The following FAM204A variants were observed in gnomAD, a reference collection of about 807,000 sequenced individuals.
FAM204A encodes protein FAM204A.
FAM204A carries 16 observed loss-of-function variants against 35.4 expected under a neutral mutation model. The ratio of observed to expected loss-of-function variants is 0.45; its 90% confidence interval spans 0.31 to 0.69. The LOEUF (loss-of-function observed/expected upper bound fraction) is 0.69, where lower values mean the gene tolerates loss of function less well. FAM204A is among the 30% of genes least tolerant of loss of function. FAM204A has a pLI of 0.07. For missense variants in FAM204A, 240 were observed against 265.7 expected, an observed-to-expected ratio of 0.90 and a Z score of 0.67; for synonymous variants, 76 against 86.9, an observed-to-expected ratio of 0.88 and a Z score of 0.70.
At chr10:118,329,723 G>T (rs761045336) in intron 6 of FAM204A, among the ~76,000 whole-genome samples, 1 of 152,058 alleles carries the variant, frequency 6.6e-6, no homozygotes, top group African/African-American at 2.4e-5. Flanking sequence ...GTGTGTCACC[G>T]GCTTGGTGTG....
intron 6 of FAM204A, 87 bp from the exon 7 acceptor site, chr10:118,326,330 G>A (rs1409506335): frequency 9.1e-6 from 10 of 1,096,414 alleles, no homozygotes. Flanking sequence ...TATACTGAAT[G>A]TGTTACACAA....
chr10:118,322,574 A>G (rs1645995765), intron 7 of FAM204A, among the ~76,000 whole-genome samples: 1 of 152,102 alleles, frequency 6.6e-6, no homozygotes, highest in Non-Finnish European at 1.5e-5. Flanking sequence ...CTAAAGAAAC[A>G]TGACGACAAA....
chr10:118,335,076 C>CTA lies in FAM204A; in HGVS notation c.453+36_453+37dup, dbSNP rs750299658. 465 of 1,434,882 alleles carry CTA rather than the reference C, an allele frequency of 3.2e-4. 5 individuals are homozygous for CTA. In the East Asian group the frequency reaches 0.01, roughly 32 times the overall value. The allele number at this position is 1,434,882 out of a possible 1,614,324, so 88.9% of individuals were successfully genotyped here. Reference sequence around the variant, plus strand: ...AGGCGAGGCTAATCACAAACATATCCTACTAGCTGGTATAAGATGCAATAA... The same window carrying CTA: ...AGGCGAGGCTAATCACAAACATATCCTATACTAGCTGGTATAAGATGCAATAA... On this transcript the variant is annotated intron_variant, in intron 6 of 8. Coordinates refer to ENST00000369183, the MANE Select transcript of FAM204A (RefSeq NM_022063.3).
chr10:118,317,668 C>T (rs1345908718), intron 7 of FAM204A, among the ~76,000 whole-genome samples: 1 of 151,980 alleles, frequency 6.6e-6, no homozygotes, highest in African/African-American at 2.4e-5. Context: ...TATCTTTAAA[C>T]TAGATGTAAA....
At chr10:118,335,356 CA>C (rs1213427793) in intron 5 of FAM204A, 39 bp downstream of exon 5, 9 of 1,575,956 alleles carry the variant, frequency 5.7e-6, no homozygotes, top group Non-Finnish European at 7.8e-6. Context: ...ACAATTTCTA[CA>C]ATGGCCTAAA....
intron 6 of FAM204A, among the ~76,000 whole-genome samples, chr10:118,333,960 G>A (rs1402055994): frequency 6.6e-6 from 1 of 152,092 alleles, no homozygotes; most frequent in Non-Finnish European, 1.5e-5. Flanking sequence ...CATGAAAGAG[G>A]CATCTGTCTA....
intron 6 of FAM204A, among the ~76,000 whole-genome samples, chr10:118,330,193 T>C (rs1363663996): frequency 1.3e-5 from 2 of 152,256 alleles, no homozygotes; most frequent in African/African-American, 4.8e-5. Context: ...CACATATTTG[T>C]ATGTGTCAAA....
chr10:118,320,526 C>T (rs1177934897), intron 7 of FAM204A, among the ~76,000 whole-genome samples: 1 of 151,826 alleles, frequency 6.6e-6, no homozygotes, highest in African/African-American at 2.4e-5. Flanking sequence ...CACAAATACA[C>T]TCAAATACTT....
rs191555495 is a variant in FAM204A at position 118,307,234 on chromosome 10, T to C, written c.*3623A>G. ...CCGTCACCATGCTAGAAGGCACTGA[T>C]GTCACAAATACCAGTCTACATTTGG... On this transcript the variant is annotated 3_prime_UTR_variant, in exon 9 of 9. Coordinates refer to ENST00000369183, the MANE Select transcript of FAM204A (RefSeq NM_022063.3). 293 of 152,372 alleles carry C rather than the reference T, an allele frequency of 1.9e-3. No individual in the cohort carries two copies. The highest frequency in any genetic ancestry group is 6.9e-3 in the African/African-American group (285 of 41,588). The allele number at this position is 152,372 out of a possible 1,614,324, so 9.4% of individuals were successfully genotyped here.
Position 118,310,901 on chromosome 10 carries a change from C to T in FAM204A, c.658G>A (p.Ala220Thr). The stretch of plus-strand genomic sequence containing the variant: ...CTTTTGGTTTCCCATCTCTTCTTTG[C>T]TTCAAACCTAAAAGGAAGAACATAC... ...KKKKLAWGFE[A>T]KKRWETKSNM... The change falls in exon 9 of 9, where the codon GCA (alanine) becomes ACA (threonine). Residue 220 changes from alanine to threonine, a missense_variant. This residue lies in a region of FAM204A where 8 missense variants were observed against 22.9 expected (regional missense o/e 0.35). Coordinates refer to ENST00000369183, the MANE Select transcript of FAM204A (RefSeq NM_022063.3). 6.3e-7 allele frequency: 1 copy of T among 1,598,010 alleles called. No individual in the cohort carries two copies. Among genetic ancestry groups the T allele is most frequent in the Non-Finnish European group, 8.5e-7 (1 of 1,174,720 alleles).
intron 6 of FAM204A, among the ~76,000 whole-genome samples, chr10:118,329,031 T>C (rs1846246767): frequency 6.6e-6 from 1 of 152,174 alleles, no homozygotes; most frequent in Admixed American, 6.5e-5. Context: ...ATCTTCACAC[T>C]GAAGGCCTAC....
Position 118,310,711 on chromosome 10 carries a change from GA to G in FAM204A, c.*145del. The stretch of plus-strand genomic sequence containing the variant: ...AGGACAAAGTCCTTAAAGAAAGACT[GA>G]AAAGAGCTGATAATCAAAATCCCAA... On this transcript the variant is annotated 3_prime_UTR_variant, in exon 9 of 9. Transcript: ENST00000369183. The G allele has an allele frequency of 1.5e-6, 1 of 672,654 alleles. No individual in the cohort carries two copies. Among genetic ancestry groups the G allele is most frequent in the Non-Finnish European group, 2.6e-6 (1 of 387,324 alleles). 41.7% of individuals were successfully genotyped at this position (672,654 alleles called of 1,614,324 possible).
chr10:118,335,263 T>A, intron 5 of FAM204A, 50 bp from the exon 6 acceptor site: 1 of 1,564,410 alleles, frequency 6.4e-7, no homozygotes, highest in Non-Finnish European at 8.7e-7. Context: ...CTGTCTTTAC[T>A]TTTACTGTTT....
At chr10:118,331,918 A>G (rs916040343) in intron 6 of FAM204A, among the ~76,000 whole-genome samples, 1 of 150,114 alleles carries the variant, frequency 6.7e-6, no homozygotes, top group African/African-American at 2.4e-5. Context: ...GCTCATGCCT[A>G]TAATTCCAGC....
intron 7 of FAM204A, among the ~76,000 whole-genome samples, chr10:118,325,716 C>T (rs1846187889): frequency 6.6e-6 from 1 of 152,026 alleles, no homozygotes; most frequent in East Asian, 1.9e-4. Flanking sequence ...ACCCAAAATT[C>T]TTTAGGGCTG....
chr10:118,315,507 A>G (rs898853537), intron 7 of FAM204A, among the ~76,000 whole-genome samples: 2 of 152,172 alleles, frequency 1.3e-5, no homozygotes, highest in African/African-American at 2.4e-5. Context: ...TTTTTATGGA[A>G]TAATAGGTCT....
chr10:118,335,913 CTACTCATG>C (rs891150438), intron 3 of FAM204A: 32 of 535,660 alleles, frequency 6.0e-5, no homozygotes, highest in African/African-American at 5.5e-4. Context: ...AAGACAGAAA[CTACTCATG>C]TACCACGCTA....
rs908577085 is a variant in FAM204A at position 118,301,407 on chromosome 10, C to T, written c.*9450G>A. ...ATCAGCATTTTTGCATTGATTCCTACAGTATGACAGTTAAGAGGGCCAAAA... is the reference window on the plus strand; with the variant it reads ...ATCAGCATTTTTGCATTGATTCCTATAGTATGACAGTTAAGAGGGCCAAAA... On this transcript the variant is annotated 3_prime_UTR_variant, in exon 9 of 9. Transcript: ENST00000369183. 2 of 152,192 alleles carry T rather than the reference C, an allele frequency of 1.3e-5. No individual in the cohort carries two copies. Among genetic ancestry groups the T allele is most frequent in the African/African-American group, 2.4e-5 (1 of 41,454 alleles). The allele number at this position is 152,192 out of a possible 1,614,324, so 9.4% of individuals were successfully genotyped here. A position where few individuals can be genotyped will look rare whatever the true frequency, so the allele number is the denominator to read the frequency against.
At chr10:118,317,815 C>A (rs1416996988) in intron 7 of FAM204A, among the ~76,000 whole-genome samples, 5 of 151,940 alleles carry the variant, frequency 3.3e-5, no homozygotes, top group African/African-American at 4.8e-5. Context: ...ATTAAAATAG[C>A]CCTTTAAAAG....
Sources: allele counts gnomAD v4.1 joint callset (sites outside exome capture counted in the v4.1 genomes callset), GRCh38; gene constraint gnomAD v4.1.1; regional missense constraint gnomAD v4.1.1; transcripts MANE v1.5; gene names NCBI Gene and HGNC (gene_info 2026-07-23, HGNC 2026-07-21).